GBF1: variants seen among roughly 807,000 people sequenced by gnomAD.
GBF1 encodes golgi brefeldin A resistant guanine nucleotide exchange factor 1, also known as Golgi-specific brefeldin A-resistance guanine nucleotide exchange factor 1.
Under a neutral mutation model 210.5 loss-of-function variants are expected in GBF1, and 114 were observed. The ratio of observed to expected loss-of-function variants is 0.54; its 90% CI spans 0.47 to 0.63. The LOEUF is 0.63. Ranked by LOEUF, GBF1 falls within the 30% of genes least tolerant of loss-of-function variation. The pLI, the probability that GBF1 is intolerant of heterozygous loss-of-function variation, is 0.00. For missense variants in GBF1, 1,851 were observed against 2,357.7 expected, an observed-to-expected ratio of 0.79 and a Z score of 4.45; for synonymous variants, 850 against 889.2, an observed-to-expected ratio of 0.96 and a Z score of 0.78.
chr10:102,294,627 C>T (rs941728821), intron 3 of GBF1, among the ~76,000 whole-genome samples: 4 of 152,044 alleles, frequency 2.6e-5, no homozygotes, highest in Non-Finnish European at 2.9e-5. Context: ...CTGCCCACCT[C>T]GGCCTCCCAA....
chr10:102,288,493 T>G (rs982238393), intron 3 of GBF1, among the ~76,000 whole-genome samples: 10 of 147,932 alleles, frequency 6.8e-5, no homozygotes, highest in African/African-American at 2.5e-4. Context: ...GGGCGGATCA[T>G]GAGGTCAGGA....
Position 102,381,540 on chromosome 10 carries a change from C to T in GBF1, c.5302+285C>T, listed in dbSNP as rs543615513. Among the ~76,000 whole-genome samples, 7 of 152,038 alleles carry T rather than the reference C, an allele frequency of 4.6e-5. No individual in the cohort carries two copies. In the South Asian group the frequency reaches 8.3e-4, roughly 18 times the overall value. On this transcript the variant is annotated intron_variant, in intron 39 of 39. Transcript: ENST00000369983. ...GGGATTCTAGTAGAGAGTAACCTGG[C>T]GGCCAGGCGCAGTGGCTCATACCTG...
intron 3 of GBF1, among the ~76,000 whole-genome samples, chr10:102,264,364 C>T (rs2073615983): frequency 1.3e-5 from 2 of 152,176 alleles, no homozygotes; most frequent in Admixed American, 6.5e-5. Flanking sequence ...CTCAAGGAAG[C>T]ACATGGCTTT....
chr10:102,232,630 C>T, the GBF1 span, among the ~76,000 whole-genome samples: 4 of 152,090 alleles, frequency 2.6e-5, no homozygotes, highest in African/African-American at 4.8e-5. Flanking sequence ...TGCAGCGAGC[C>T]GAGATGGTGC....
chr10:102,358,707 T>C lies in GBF1; in HGVS notation c.989T>C (p.Val330Ala). ...GAGCCTGGAAGCAGTGAGCTAGGTG[T>C]TCCCGAGCAGCCTGACCTCCAGGTA... is the stretch of plus-strand genomic sequence containing the variant. ...ATEPGSSELG[V>A]PEQPDLQQEG... Residue 330 changes from valine (V) to alanine (A), a missense_variant, in exon 10 of 40, where the codon GTT becomes GCT. By Grantham distance (64) the Val-to-Ala change is moderately conservative. Around this residue, in one of 3 missense-constraint regions of GBF1, gnomAD observed 804 missense variants for 958.6 expected, o/e 0.84. Transcript: ENST00000369983. 1 of 1,613,392 alleles carries C rather than the reference T, an allele frequency of 6.2e-7. No homozygotes were observed. Among genetic ancestry groups the C allele is most frequent in the Non-Finnish European group, 8.5e-7 (1 of 1,179,322 alleles).
the GBF1 span, among the ~76,000 whole-genome samples, chr10:102,236,136 C>T: frequency 6.6e-6 from 1 of 152,262 alleles, no homozygotes; most frequent in Non-Finnish European, 1.5e-5. Context: ...GCTGGTCAGG[C>T]AAAGGCTGGG....
intron 3 of GBF1, among the ~76,000 whole-genome samples, chr10:102,291,729 G>A (rs1015389708): frequency 3.3e-5 from 5 of 152,030 alleles, no homozygotes; most frequent in African/African-American, 9.7e-5. Context: ...TCCCTTTGCC[G>A]TGGCACCATG....
rs2076713070 is a variant in GBF1, at chr10:102,294,123, A to C, written c.163+34007A>C. Among the ~76,000 whole-genome samples, 4 of 152,084 alleles carry C rather than the reference A, an allele frequency of 2.6e-5. No individual in the cohort carries two copies. The South Asian group carries it at 6.2e-4, about 24-fold the overall frequency. On this transcript the variant is annotated intron_variant, in intron 3 of 39. Coordinates refer to ENST00000369983, the MANE Select transcript of GBF1 (RefSeq NM_001377137.1). ...CTAAGTATTATTATAAAAGTCCAAA[A>C]GCTTAAAAAAATTTAAAAGTTATAA... is the stretch of plus-strand genomic sequence containing the variant.
In GBF1 at chr10:102,287,344, C is replaced by CTTTTTTTT. The variant is rs763880492; in HGVS notation, c.163+27248_163+27255dup. 7.8e-4 allele frequency among the ~76,000 whole-genome samples: 54 copies of CTTTTTTTT among 69,510 alleles called. 1 individual carries two copies. Among genetic ancestry groups the CTTTTTTTT allele is most frequent in the African/African-American group, 1.2e-3 (17 of 14,768 alleles). The allele number at this position is 69,510 out of a possible 152,430, so 45.6% of individuals were successfully genotyped here. On this transcript the variant is annotated intron_variant, in intron 3 of 39. Coordinates refer to ENST00000369983, the MANE Select transcript of GBF1 (RefSeq NM_001377137.1). ...CACACAGTTTCTTTTATTTTATTTT[C>CTTTTTTTT]TTTTTTTTTTTTTTTTTTTTTTTTT...
At chr10:102,307,231 A>G (rs1374248630) in intron 3 of GBF1, among the ~76,000 whole-genome samples, 1 of 152,134 alleles carries the variant, frequency 6.6e-6, no homozygotes, top group Non-Finnish European at 1.5e-5. Flanking sequence ...TTACTATAAC[A>G]TGGACTTCAG....
chr10:102,235,492 T>A, the GBF1 span, among the ~76,000 whole-genome samples: 1 of 152,164 alleles, frequency 6.6e-6, no homozygotes, highest in Non-Finnish European at 1.5e-5. Flanking sequence ...ACTTTACCTC[T>A]CTGAGCACAT....
intron 29 of GBF1, among the ~76,000 whole-genome samples, chr10:102,372,856 G>A (rs894576562): frequency 6.6e-6 from 1 of 152,172 alleles, no homozygotes; most frequent in Admixed American, 6.5e-5. Context: ...GCTAAGCAAA[G>A]AATTTTTAGC....
intron 3 of GBF1, among the ~76,000 whole-genome samples, chr10:102,326,527 C>T (rs2056916459): frequency 6.6e-6 from 1 of 152,000 alleles, no homozygotes; most frequent in African/African-American, 2.4e-5. Context: ...CCTTTTTTTT[C>T]AACTTGAGGT....
rs535821968 is a variant in GBF1, at chr10:102,341,264, A to G, written c.164-2787A>G. Among the ~76,000 whole-genome samples the G allele has an allele frequency of 6.6e-5, 10 of 152,362 alleles. 1 individual carries two copies. The South Asian group carries it at 1.7e-3, about 25-fold the overall frequency. ...TTAAACCACATGGAGCTACTATTAC[A>G]TACATACTTGAATCGCTTAAGTAAA... On this transcript the variant is annotated intron_variant, in intron 3 of 39. Coordinates refer to ENST00000369983, the MANE Select transcript of GBF1 (RefSeq NM_001377137.1).
chr10:102,363,835 G>C lies in GBF1; in HGVS notation c.2106+37G>C, dbSNP rs775935652. 2 of 1,202,730 alleles carry C rather than the reference G, an allele frequency of 1.7e-6. No individual in the cohort carries two copies. The highest frequency in any genetic ancestry group is 2.5e-6 in the Non-Finnish European group (2 of 806,090). 74.5% of individuals were successfully genotyped at this position (1,202,730 alleles called of 1,614,324 possible). On this transcript the variant is annotated intron_variant, in intron 17 of 39. Transcript: ENST00000369983. The surrounding 1 kb of genome is among the most constrained non-coding windows in gnomAD (Gnocchi z 4.2). ...TATTCCCCAGCCTCTGTCCACCTCT[G>C]TCTGGGTGTCCAGTGTTGTAGGGTT...
At chr10:102,362,453 A>C in intron 14 of GBF1, 22 bp from the exon 15 acceptor site, 1 of 1,543,436 alleles carries the variant, frequency 6.5e-7, no homozygotes, top group South Asian at 1.1e-5. Context: ...CTACAAGTCC[A>C]ATTGATCTGT....
At chr10:102,375,612 C>T in intron 30 of GBF1, 28 bp downstream of exon 30, 3 of 1,447,180 alleles carry the variant, frequency 2.1e-6, no homozygotes, top group Non-Finnish European at 1.9e-6. Flanking sequence ...GAGACTCAGG[C>T]TGGCAGATAA....
At chr10:102,231,761 C>T in the GBF1 span, 1 of 1,606,904 alleles carries the variant, frequency 6.2e-7, no homozygotes, top group Non-Finnish European at 8.5e-7. Flanking sequence ...GGGGAGCCGC[C>T]GGGCAGCGAA....
At chr10:102,353,522 C>T (rs2059125415) in intron 7 of GBF1, 78 bp from the exon 8 acceptor site, 1 of 954,834 alleles carries the variant, frequency 1.0e-6, no homozygotes, top group African/African-American at 1.6e-5. Flanking sequence ...GCTCAGAGCA[C>T]CTTTGGTTTG....
Sources: gnomAD v4.1 joint callset for allele counts (sites outside exome capture counted in the v4.1 genomes callset) on GRCh38, gnomAD v4.1.1 for gene constraint, gnomAD v4.1.1 regional missense constraint, Gnocchi (gnomAD v3.1) non-coding constraint, MANE v1.5 for transcripts, NCBI Gene and HGNC (gene_info 2026-07-23, HGNC 2026-07-21) for gene names.